The following METTL13 variants were observed in gnomAD, a reference collection of about 807,000 sequenced individuals.
METTL13 encodes eEF1A lysine and N-terminal methyltransferase.
METTL13 carries 52 observed loss-of-function variants against 67.4 expected under a neutral mutation model. The ratio of observed to expected loss-of-function variants is 0.77; its 90% CI spans 0.62 to 0.97. The LOEUF (loss-of-function observed/expected upper bound fraction) is 0.97. METTL13 is among the 50% of genes least tolerant of loss of function. METTL13 has a pLI of 0.00. For synonymous variants in METTL13, 354 were observed against 353.6 expected (o/e 1.00, Z -0.01); for missense variants, 825 against 889.6 (o/e 0.93, Z 0.92).
At chr1:171,791,404 C>T (rs1657200755) in intron 5 of METTL13, among the ~76,000 whole-genome samples, 1 of 152,174 alleles carries the variant, frequency 6.6e-6, no homozygotes, top group African/African-American at 2.4e-5. Context: ...ACCTCTGCTG[C>T]CTTGTAATCA....
At chr1:171,782,177 A>G (rs1656848660) in intron 1 of METTL13, 57 bp downstream of exon 1, 5 of 1,486,380 alleles carry the variant, frequency 3.4e-6, no homozygotes, top group Non-Finnish European at 3.7e-6. Flanking sequence ...GGAACTGGTA[A>G]CAGGAATCTT....
rs1204954394 is a variant in METTL13 at position 171,797,093 on chromosome 1, T to C, written c.*337T>C. 1 of 275,506 alleles carries C rather than the reference T, an allele frequency of 3.6e-6. No individual in the cohort carries two copies. Among genetic ancestry groups the C allele is most frequent in the Admixed American group, 4.9e-5 (1 of 20,330 alleles). The allele number at this position is 275,506 out of a possible 1,614,324, so 17.1% of individuals were successfully genotyped here. On this transcript the variant is annotated 3_prime_UTR_variant, in exon 8 of 8. Transcript: ENST00000361735. ...CAGAACTCAAGACATCCAAATTTTA[T>C]TGCGTCTCTACTTATACTGGTTTGC... is the stretch of plus-strand genomic sequence containing the variant.
In METTL13 at chr1:171,787,685, A is replaced by G. The variant is rs377407338; in HGVS notation, c.1114-50A>G. 38 of 1,546,628 alleles carry G rather than the reference A, an allele frequency of 2.5e-5. No individual in the cohort carries two copies. The African/African-American group carries it at 4.2e-4, about 17-fold the overall frequency. On this transcript the variant is annotated intron_variant, in intron 3 of 7. Transcript: ENST00000361735. ...AAGGGAAGGGGTTATAATTTCTCTT[A>G]TTTCTTAAATGAGCTGCTGTTTTGA...
intron 7 of METTL13, among the ~76,000 whole-genome samples, chr1:171,795,007 G>A (rs1657321802): frequency 6.6e-6 from 1 of 151,892 alleles, no homozygotes; most frequent in South Asian, 2.1e-4. Context: ...TTTATTTTTT[G>A]TAGAGATAGG....
At chr1:171,794,110 G>A (rs184167832) in intron 6 of METTL13, among the ~76,000 whole-genome samples, 14 of 152,302 alleles carry the variant, frequency 9.2e-5, no homozygotes, top group Non-Finnish European at 1.6e-4. Flanking sequence ...ACTCTTAACC[G>A]AGAAATATTC....
chr1:171,781,779 A>G lies in METTL13; in HGVS notation c.-189A>G. On this transcript the variant is annotated 5_prime_UTR_variant, in exon 1 of 8. The change abolishes an upstream ATG in the 5' untranslated region. Coordinates refer to ENST00000361735, the MANE Select transcript of METTL13 (RefSeq NM_015935.5). ...AAGCGTGTGTGAGATTCAGTGGTCC[A>G]TGCGTGCGTTTGTCGTGTAAGGGTC... is the stretch of plus-strand genomic sequence containing the variant. 2.1e-6 allele frequency: 3 copies of G among 1,412,574 alleles called. No homozygotes were observed. The highest frequency in any genetic ancestry group is 2.8e-6 in the Non-Finnish European group (3 of 1,083,274). 87.5% of individuals were successfully genotyped at this position (1,412,574 alleles called of 1,614,324 possible). A position where few individuals can be genotyped will look rare whatever the true frequency, so the allele number is the denominator to read the frequency against.
intron 5 of METTL13, among the ~76,000 whole-genome samples, chr1:171,791,320 A>G (rs181962785): frequency 6.6e-6 from 1 of 152,226 alleles, no homozygotes; most frequent in East Asian, 1.9e-4. Context: ...TGGAACTTGA[A>G]TGGCTTACCC....
intron 3 of METTL13, among the ~76,000 whole-genome samples, chr1:171,787,463 A>G (rs1408703781): frequency 1.3e-5 from 2 of 151,850 alleles, no homozygotes; most frequent in Admixed American, 1.3e-4. Context: ...GATGAGAAAA[A>G]CCCCTAAAAG....
At chr1:171,789,628 G>A (rs1300985851) in intron 4 of METTL13, among the ~76,000 whole-genome samples, 1 of 152,178 alleles carries the variant, frequency 6.6e-6, no homozygotes, top group Non-Finnish European at 1.5e-5. Flanking sequence ...ATAGTAATTG[G>A]CACATAGCAG....
rs1038516829 is a variant in METTL13 at position 171,782,238 on chromosome 1, C to T, written c.153+118C>T. The T allele has an allele frequency of 5.8e-6, 5 of 860,338 alleles. No homozygotes were observed. In the African/African-American group the frequency reaches 6.8e-5, roughly 12 times the overall value. 53.3% of individuals were successfully genotyped at this position (860,338 alleles called of 1,614,324 possible). On this transcript the variant is annotated intron_variant, in intron 1 of 7. Coordinates refer to ENST00000361735, the MANE Select transcript of METTL13 (RefSeq NM_015935.5). Reference sequence around the variant, plus strand: ...GAGGACCCTAGTTGGACGCATATTTCAGCATTTCCTGCATTGTTCCTGCTA... The same window carrying T: ...GAGGACCCTAGTTGGACGCATATTTTAGCATTTCCTGCATTGTTCCTGCTA...
At chr1:171,792,791 A>G (rs1657249676) in intron 6 of METTL13, among the ~76,000 whole-genome samples, 1 of 152,182 alleles carries the variant, frequency 6.6e-6, no homozygotes, top group East Asian at 1.9e-4. Flanking sequence ...ACATCTTACA[A>G]TGTTCAGGAC....
Position 171,790,536 on chromosome 1 carries a change from A to G in METTL13, c.1394A>G (p.Asp465Gly), listed in dbSNP as rs768165218. The G allele has an allele frequency of 3.1e-5, 50 of 1,612,686 alleles. No individual in the cohort carries two copies. Among genetic ancestry groups the G allele is most frequent in the Non-Finnish European group, 4.2e-5 (49 of 1,179,720 alleles). The change falls in exon 5 of 8, where the codon GAT becomes GGT. Residue 465 changes from aspartate (D) to glycine (G), a missense_variant. Transcript: ENST00000361735. ...DLPAAPGQSI[D>G]KSYLCCEHHK... is the part of the protein sequence containing the mutation. ...CCTGCAGCCCCGGGGCAGTCCATTG[A>G]TAAGAGTTACCTGTGTTGTGAACAC...
intron 4 of METTL13, among the ~76,000 whole-genome samples, chr1:171,789,376 T>C (rs1657127122): frequency 6.6e-6 from 1 of 152,192 alleles, no homozygotes; most frequent in East Asian, 1.9e-4. Flanking sequence ...AGTGGCTTTT[T>C]AGGATTTATT....
rs751448886 is a variant in METTL13 at position 171,787,851 on chromosome 1, C to T, written c.1230C>T (p.Tyr410=). Residue 410 remains tyrosine, a synonymous_variant, in exon 4 of 8, where the codon TAC becomes TAT. Transcript: ENST00000361735. The stretch of plus-strand genomic sequence containing the variant: ...ATGTGCAAGGGGATGACAAGCGATA[C>T]TTCCGTCGACTGATCTTCCTCAGCA... ...IEDVQGDDKR[Y]FRRLIFLSNR... is the part of the protein sequence containing the mutation. 2.5e-6 allele frequency: 4 copies of T among 1,614,030 alleles called. No homozygotes were observed. Among genetic ancestry groups the T allele is most frequent in the Non-Finnish European group, 3.4e-6 (4 of 1,180,028 alleles).
chr1:171,792,558 CAG>C (rs1657243114), intron 6 of METTL13, among the ~76,000 whole-genome samples: 1 of 152,224 alleles, frequency 6.6e-6, no homozygotes, highest in East Asian at 1.9e-4. Context: ...GGCAAAGAAA[CAG>C]AGAAGAAAAG....
In METTL13 at chr1:171,790,443, CTT is replaced by C; in HGVS notation, c.1310-8_1310-7del. ...GTACTAAGCATAGGGCTTCATATCT[CTT>C]GTTTAGCCCAGAAGAAGCGGAAAAA... is the stretch of plus-strand genomic sequence containing the variant. On this transcript the variant is annotated splice_polypyrimidine_tract_variant and splice_region_variant and intron_variant, in intron 4 of 7. Coordinates refer to ENST00000361735, the MANE Select transcript of METTL13 (RefSeq NM_015935.5). 6.3e-7 allele frequency: 1 copy of C among 1,579,026 alleles called. No homozygotes were observed. The highest frequency in any genetic ancestry group is 2.3e-5 in the East Asian group (1 of 44,290).
At chr1:171,786,949 A>G (rs1657036345) in intron 3 of METTL13, among the ~76,000 whole-genome samples, 1 of 151,274 alleles carries the variant, frequency 6.6e-6, no homozygotes, top group Non-Finnish European at 1.5e-5. Flanking sequence ...ATAGTAACAG[A>G]TCTGAAAAAA....
chr1:171,789,637 A>T (rs1558131814), intron 4 of METTL13, among the ~76,000 whole-genome samples: 2 of 152,220 alleles, frequency 1.3e-5, no homozygotes, highest in Non-Finnish European at 2.9e-5. Context: ...GGCACATAGC[A>T]GGTGATTAGT....
chr1:171,791,954 G>A (rs923938223), intron 5 of METTL13, 63 bp from the exon 6 acceptor site: 5 of 1,571,128 alleles, frequency 3.2e-6, no homozygotes, highest in Middle Eastern at 2.3e-4. Context: ...TGCCTTCCCT[G>A]AGGCTGGTAC....
Sources: gnomAD v4.1 joint callset for allele counts (sites outside exome capture counted in the v4.1 genomes callset) on GRCh38, gnomAD v4.1.1 for gene constraint, MANE v1.5 for transcripts, NCBI Gene and HGNC (gene_info 2026-07-23, HGNC 2026-07-21) for gene names.